TAB3: variants seen among roughly 807,000 people sequenced by gnomAD.
TAB3 encodes the protein TGF-beta activated kinase 1 (MAP3K7) binding protein 3, also known as TGF-beta-activated kinase 1 and MAP3K7-binding protein 3.
In TAB3, 18 loss-of-function variants were observed where a neutral mutation model predicts 48.1. The ratio of observed to expected loss-of-function variants is 0.37; its 90% confidence interval spans 0.26 to 0.55. TAB3 has a LOEUF of 0.55. Ranked by LOEUF, TAB3 falls within the 20% of genes least tolerant of loss-of-function variation. The probability of loss-of-function intolerance (pLI) is 0.78; values close to 1 mark genes in which losing one functional copy is unlikely to be tolerated. For missense variants in TAB3, 414 were observed against 549.8 expected, an observed-to-expected ratio of 0.75 and a Z score of 2.47; for synonymous variants, 185 against 190.2, an observed-to-expected ratio of 0.97 and a Z score of 0.22.
intron 1 of TAB3, among the ~76,000 whole-genome samples, chrX:30,874,845 A>G (rs1226394066): frequency 8.9e-6 from 1 of 112,523 alleles, no homozygotes. Context: ...CCTGAGTGCC[A>G]AGAAAGACGG....
chrX:30,878,267 A>G (rs1939894393), intron 1 of TAB3, among the ~76,000 whole-genome samples: 1 of 111,118 alleles, frequency 9.0e-6, no homozygotes, highest in Non-Finnish European at 1.9e-5. Context: ...GAGGCAGGTG[A>G]ATCACTTGAG....
rs866599776 is a variant in TAB3, at chrX:30,868,580, T to G, written c.-279-1031A>C. ...TATATATATAGCTTATATATATATA[T>G]ATATATAGAGAGAGAGAGAGAGAGA... On this transcript the variant is annotated intron_variant, in intron 2 of 10. Transcript: ENST00000288422. 4.8e-3 allele frequency among the ~76,000 whole-genome samples: 67 copies of G among 13,940 alleles called. 13 individuals carry two copies. The highest frequency in any genetic ancestry group is 0.025 in the African/African-American group (45 of 1,826). 12.1% of individuals were successfully genotyped at this position (13,940 alleles called of 115,157 possible).
At chrX:30,843,964 C>T (rs1938539263) in intron 8 of TAB3, 1 of 110,692 alleles carries the variant, frequency 9.0e-6, no homozygotes, top group South Asian at 3.9e-4. Context: ...TATTAAATCT[C>T]TTCATTTCCA....
chrX:30,849,075 C>G (rs748559354), intron 7 of TAB3, among the ~76,000 whole-genome samples: 155 of 112,095 alleles, frequency 1.4e-3, no homozygotes, highest in African/African-American at 4.5e-3. Flanking sequence ...ATTTCTATCT[C>G]AAAACTCTGA....
At chrX:30,837,598 A>G (rs2147329420) in intron 9 of TAB3, among the ~76,000 whole-genome samples, 1 of 112,035 alleles carries the variant, frequency 8.9e-6, no homozygotes, top group East Asian at 2.8e-4. Context: ...ATCCTTCATC[A>G]GATACATATT....
chrX:30,850,436 G>C (rs1687400621), intron 7 of TAB3, among the ~76,000 whole-genome samples: 1 of 111,649 alleles, frequency 9.0e-6, no homozygotes, highest in African/African-American at 3.3e-5. Flanking sequence ...TCGGGGGCCA[G>C]GTGCGGTGGC....
chrX:30,854,949 G>A lies in TAB3; in HGVS notation c.716C>T (p.Ser239Leu), dbSNP rs150176434. ...SIYIRQTSQS[S>L]SGRQTPQSTP... Reference sequence around the variant, plus strand: ...ACTCTGAGGAGTTTGTCTTCCTGATGAACTCTGAGATGTCTGTCTAATATA... The same window carrying A: ...ACTCTGAGGAGTTTGTCTTCCTGATAAACTCTGAGATGTCTGTCTAATATA... The change falls in exon 6 of 11, where the codon TCA becomes TTA. Residue 239 changes from serine to leucine, a missense_variant. Coordinates refer to ENST00000288422, the MANE Select transcript of TAB3 (RefSeq NM_152787.5). 1,626 of 1,206,542 alleles carry A rather than the reference G, an allele frequency of 1.3e-3. 3 individuals carry two copies. The highest frequency in any genetic ancestry group is 1.2e-3 in the Non-Finnish European group (1,033 of 893,313).
chrX:30,837,462 T>G (rs1938274155), intron 9 of TAB3, among the ~76,000 whole-genome samples: 2 of 112,114 alleles, frequency 1.8e-5, no homozygotes. Flanking sequence ...TCCTTGATAT[T>G]TCTTTTTTCA....
chrX:30,888,301 A>C (rs1296408129), intron 1 of TAB3, among the ~76,000 whole-genome samples: 1 of 112,795 alleles, frequency 8.9e-6, no homozygotes, highest in Non-Finnish European at 1.9e-5. Context: ...AACGTCACTG[A>C]AGAAACACAT....
chrX:30,869,814 T>C (rs1373419490), intron 2 of TAB3, among the ~76,000 whole-genome samples: 1 of 112,578 alleles, frequency 8.9e-6, no homozygotes, highest in Non-Finnish European at 1.9e-5. Flanking sequence ...GATTTATTAA[T>C]GTATTGTATA....
rs1937938210 is a variant in TAB3, at chrX:30,828,110, C to T, written c.*3317G>A. On this transcript the variant is annotated 3_prime_UTR_variant, in exon 11 of 11. Transcript: ENST00000288422. ...AACTATAAAGGGACATCTTCACATT[C>T]CAGGATACATCATTGATATTTTTAG... The T allele has an allele frequency of 8.9e-6, 1 of 112,105 alleles. No individual in the cohort carries two copies. The highest frequency in any genetic ancestry group is 1.9e-5 in the Non-Finnish European group (1 of 53,255). 9.2% of individuals were successfully genotyped at this position (112,105 alleles called of 1,213,427 possible). A position where few individuals can be genotyped will look rare whatever the true frequency, so the allele number is the denominator to read the frequency against.
intron 1 of TAB3, among the ~76,000 whole-genome samples, chrX:30,872,783 G>A (rs1384210595): frequency 8.9e-6 from 1 of 112,102 alleles, no homozygotes; most frequent in Admixed American, 9.4e-5. Context: ...GGATCAAGCT[G>A]TCACCACTTG....
chrX:30,833,830 CAAAAAA>C (rs11316848), intron 10 of TAB3, among the ~76,000 whole-genome samples: 1 of 51,608 alleles, frequency 1.9e-5, no homozygotes, highest in Admixed American at 2.6e-4. Context: ...GACTCCGTCT[CAAAAAA>C]AAAAAAAAAA....
rs1474579208 is a variant in TAB3, at chrX:30,829,005, A to G, written c.*2422T>C. The G allele has an allele frequency of 8.9e-6, 1 of 112,386 alleles. No homozygotes were observed. Among genetic ancestry groups the G allele is most frequent in the African/African-American group, 3.2e-5 (1 of 30,858 alleles). The allele number at this position is 112,386 out of a possible 1,213,427, so 9.3% of individuals were successfully genotyped here. A position where few individuals can be genotyped will look rare whatever the true frequency, so the allele number is the denominator to read the frequency against. ...AAAACTGAATACAGCCTATGTTGGC[A>G]TATGAAACTTGTGCACAATTAAAAA... On this transcript the variant is annotated 3_prime_UTR_variant, in exon 11 of 11. Transcript: ENST00000288422.
chrX:30,829,175 C>T lies in TAB3; in HGVS notation c.*2252G>A, dbSNP rs1937959465. 1 of 112,285 alleles carries T rather than the reference C, an allele frequency of 8.9e-6. No individual in the cohort carries two copies. Among genetic ancestry groups the T allele is most frequent in the Admixed American group, 9.5e-5 (1 of 10,486 alleles). The allele number at this position is 112,285 out of a possible 1,213,427, so 9.3% of individuals were successfully genotyped here. The stretch of plus-strand genomic sequence containing the variant: ...ATATCACCAAAGGATTGAAACCATG[C>T]ATCTACTGTATAACAGCTTATTAAC... On this transcript the variant is annotated 3_prime_UTR_variant, in exon 11 of 11. Coordinates refer to ENST00000288422, the MANE Select transcript of TAB3 (RefSeq NM_152787.5).
rs770402159 is a variant in TAB3, at chrX:30,853,972, G to A, written c.1549+144C>T. 3.3e-5 allele frequency: 24 copies of A among 731,127 alleles called. 1 individual carries two copies. In the South Asian group the frequency reaches 7.8e-4, roughly 24 times the overall value. 60.3% of individuals were successfully genotyped at this position (731,127 alleles called of 1,213,427 possible). A position where few individuals can be genotyped will look rare whatever the true frequency, so the allele number is the denominator to read the frequency against. On this transcript the variant is annotated intron_variant, in intron 6 of 10. Transcript: ENST00000288422. ...TTACAGGCGTGAGCCACCGCACCCG[G>A]CCACTAACTTTATTCTTAATAGCAA... is the stretch of plus-strand genomic sequence containing the variant.
chrX:30,831,617 G>C, intron 10 of TAB3, 42 bp from the exon 11 acceptor site: 1 of 1,160,385 alleles, frequency 8.6e-7, no homozygotes. Flanking sequence ...AAGGTAAATA[G>C]ATTAACCTTT....
At chrX:30,860,840 T>C (rs2147371635) in intron 4 of TAB3, among the ~76,000 whole-genome samples, 1 of 112,110 alleles carries the variant, frequency 8.9e-6, no homozygotes, top group South Asian at 3.7e-4. Flanking sequence ...AATTTCCTGT[T>C]TTCTGAATTG....
Position 30,828,959 on chromosome X carries a change from T to A in TAB3, c.*2468A>T, listed in dbSNP as rs781729140. On this transcript the variant is annotated 3_prime_UTR_variant, in exon 11 of 11. Transcript: ENST00000288422. ...GTTAAACATACCAGATTTATCAGTG[T>A]CAAGTCATTTTGCCTATTTTAAAAC... is the stretch of plus-strand genomic sequence containing the variant. 1.8e-5 allele frequency: 2 copies of A among 112,321 alleles called. No homozygotes were observed. The highest frequency in any genetic ancestry group is 3.6e-4 in the South Asian group (1 of 2,742). 9.3% of individuals were successfully genotyped at this position (112,321 alleles called of 1,213,427 possible). A position where few individuals can be genotyped will look rare whatever the true frequency, so the allele number is the denominator to read the frequency against.
Sources: allele counts gnomAD v4.1 joint callset (sites outside exome capture counted in the v4.1 genomes callset), GRCh38; gene constraint gnomAD v4.1.1; transcripts MANE v1.5; gene names NCBI Gene and HGNC (gene_info 2026-07-23, HGNC 2026-07-21).